The following SHMT1 variants were observed in gnomAD, a reference collection of about 807,000 sequenced individuals.
The protein encoded by SHMT1 is serine hydroxymethyltransferase 1.
A neutral mutation model predicts 49.0 loss-of-function variants in SHMT1; 45 were observed. The ratio of observed to expected loss-of-function variants is 0.92; its 90% CI spans 0.72 to 1.18. The LOEUF is 1.18. SHMT1 is among the 50% of genes most tolerant of loss of function. The pLI is 0.00. For missense variants in SHMT1, 541 were observed against 612.4 expected (o/e 0.88, Z 1.23); for synonymous variants, 232 against 246.6 (o/e 0.94, Z 0.55).
At chr17:18,344,577 G>GA (rs10655994) in intron 5 of SHMT1, among the ~76,000 whole-genome samples, 6,951 of 65,318 alleles carry the variant, frequency 0.11, 491 homozygotes, top group South Asian at 0.2. Context: ...ACAATTACCG[G>GA]AAAAAAAAAA....
intron 1 of SHMT1, among the ~76,000 whole-genome samples, chr17:18,357,698 T>TC (rs1208064928): frequency 6.6e-6 from 1 of 151,998 alleles, no homozygotes; most frequent in Non-Finnish European, 1.5e-5. Flanking sequence ...ATTTCATACT[T>TC]CAAGTAATGA....
chr17:18,363,489 C>G lies in SHMT1; in HGVS notation c.-137G>C, dbSNP rs1252293206. 6.5e-6 allele frequency: 1 copy of G among 152,842 alleles called. No homozygotes were observed. The highest frequency in any genetic ancestry group is 1.5e-5 in the Non-Finnish European group (1 of 68,580). The allele number at this position is 152,842 out of a possible 1,614,324, so 9.5% of individuals were successfully genotyped here. On this transcript the variant is annotated 5_prime_UTR_variant, in exon 1 of 12. Coordinates refer to ENST00000316694, the MANE Select transcript of SHMT1 (RefSeq NM_004169.5). Reference sequence around the variant, plus strand: ...GACCAGCCGCTCCAACCCCAAACCCCGAACTTGGCGCTGGACCGCTCGAGC... The same window carrying G: ...GACCAGCCGCTCCAACCCCAAACCCGGAACTTGGCGCTGGACCGCTCGAGC...
In SHMT1 at chr17:18,339,966, CCCT is replaced by C. The variant is rs1984306182; in HGVS notation, c.814+74_814+76del. 2.1e-6 allele frequency: 3 copies of C among 1,423,538 alleles called. No individual in the cohort carries two copies. The South Asian group carries it at 3.5e-5, about 17-fold the overall frequency. The allele number at this position is 1,423,538 out of a possible 1,614,324, so 88.2% of individuals were successfully genotyped here. A position where few individuals can be genotyped will look rare whatever the true frequency, so the allele number is the denominator to read the frequency against. ...TCCCAGGTCAGAGTTTTTCCCAGCTCCCTCAACTGAATCTGAACCCCCACAGGA... is the reference window on the plus strand; with the variant it reads ...TCCCAGGTCAGAGTTTTTCCCAGCTCCAACTGAATCTGAACCCCCACAGGA... On this transcript the variant is annotated intron_variant, in intron 7 of 11. Transcript: ENST00000316694.
At chr17:18,355,399 G>C (rs1294398740) in intron 2 of SHMT1, among the ~76,000 whole-genome samples, 1 of 149,494 alleles carries the variant, frequency 6.7e-6, no homozygotes, top group African/African-American at 2.5e-5. Flanking sequence ...AATTAGCCGG[G>C]CATGGTGGTG....
chr17:18,350,175 T>A (rs1360452993), intron 3 of SHMT1, among the ~76,000 whole-genome samples: 1 of 151,270 alleles, frequency 6.6e-6, no homozygotes, highest in African/African-American at 2.4e-5. Flanking sequence ...AAAAAATATA[T>A]AAAAAATTAG....
In SHMT1 at chr17:18,328,256, T is replaced by G. The variant is rs1280604173; in HGVS notation, c.*494A>C. 1.1e-5 allele frequency: 2 copies of G among 189,016 alleles called. No individual in the cohort carries two copies. The highest frequency in any genetic ancestry group is 2.4e-5 in the African/African-American group (1 of 42,222). The allele number at this position is 189,016 out of a possible 1,614,324, so 11.7% of individuals were successfully genotyped here. A position where few individuals can be genotyped will look rare whatever the true frequency, so the allele number is the denominator to read the frequency against. ...TTGTTTACTCTTGACTAACATACAC[T>G]TCTGATTTACAGCAGAAGCCTCAGA... On this transcript the variant is annotated 3_prime_UTR_variant, in exon 12 of 12. Transcript: ENST00000316694.
Position 18,346,873 on chromosome 17 carries a change from G to A in SHMT1, c.519+623C>T, listed in dbSNP as rs1411337734. Among the ~76,000 whole-genome samples, 6 of 152,244 alleles carry A rather than the reference G, an allele frequency of 3.9e-5. No homozygotes were observed. In the East Asian group the frequency reaches 1.2e-3, roughly 29 times the overall value. On this transcript the variant is annotated intron_variant, in intron 5 of 11. Coordinates refer to ENST00000316694, the MANE Select transcript of SHMT1 (RefSeq NM_004169.5). ...AACTGAAAAGCAGAATGGTCGTATG[G>A]GGGGCTTGAAGTACAGCTAATAACG... is the stretch of plus-strand genomic sequence containing the variant.
At position 18,329,333 on chromosome 17, in the gene SHMT1, C is replaced by G. The variant is rs776357592; in HGVS notation, c.1227G>C (p.Thr409=). The G allele has an allele frequency of 1.2e-6, 2 of 1,613,000 alleles. No individual in the cohort carries two copies. Among genetic ancestry groups the G allele is most frequent in the African/African-American group, 2.7e-5 (2 of 74,890 alleles). ...SGLRLGTPAL[T]SRGLLEKDFQ... ...AGTCTTTTTCCAAAAGTCCACGGGA[C>G]GTCAGTGCTGGGGTCCCCAGCCGCA... The change falls in exon 11 of 12, where the codon ACG becomes ACC. Residue 409 remains threonine (T), a synonymous_variant. Transcript: ENST00000316694.
intron 9 of SHMT1, chr17:18,332,694 C>G (rs992005549): frequency 3.5e-4 from 90 of 260,324 alleles, no homozygotes; most frequent in African/African-American, 1.9e-3. Context: ...CAGATCCAAG[C>G]AAACATGCCT....
intron 2 of SHMT1, among the ~76,000 whole-genome samples, chr17:18,354,891 A>AG (rs1986075465): frequency 7.4e-6 from 1 of 134,570 alleles, no homozygotes. Context: ...AAAAAAAATA[A>AG]TACAAAAAAT....
At chr17:18,333,310 G>A (rs1983438793) in intron 8 of SHMT1, 22 bp from the exon 9 acceptor site, 1 of 1,611,394 alleles carries the variant, frequency 6.2e-7, no homozygotes, top group Non-Finnish European at 8.5e-7. Context: ...GAGACAATGG[G>A]TCAGGAGGCT....
At chr17:18,336,324 A>G (rs1333347783) in intron 7 of SHMT1, among the ~76,000 whole-genome samples, 1 of 151,684 alleles carries the variant, frequency 6.6e-6, no homozygotes, top group Non-Finnish European at 1.5e-5. Flanking sequence ...CTCCACTAAC[A>G]TTGTAACCAA....
At chr17:18,332,747 G>A (rs1983351580) in intron 9 of SHMT1, 6 of 305,900 alleles carry the variant, frequency 2.0e-5, no homozygotes, top group South Asian at 1.5e-4. Context: ...AACTGGGAGG[G>A]GAGAGCCCCT....
At chr17:18,352,962 AAGTT>A (rs1303128517) in intron 3 of SHMT1, among the ~76,000 whole-genome samples, 1 of 152,212 alleles carries the variant, frequency 6.6e-6, no homozygotes, top group African/African-American at 2.4e-5. Context: ...CACAATGCAA[AAGTT>A]AGTTATTCAC....
At chr17:18,357,991 G>A (rs979167487) in intron 1 of SHMT1, among the ~76,000 whole-genome samples, 1 of 149,346 alleles carries the variant, frequency 6.7e-6, no homozygotes, top group Non-Finnish European at 1.5e-5. Flanking sequence ...AGCCTCCCAA[G>A]TAGCCAGGAA....
Position 18,340,710 on chromosome 17 carries a change from G to C in SHMT1, c.601+22C>G. ...GCACCAGGCTACTGGTGAACAAGGTGACTTTCCGCCCCGCGCATCACCTGC... is the reference window on the plus strand; with the variant it reads ...GCACCAGGCTACTGGTGAACAAGGTCACTTTCCGCCCCGCGCATCACCTGC... On this transcript the variant is annotated intron_variant, in intron 6 of 11. Transcript: ENST00000316694. This position sits in a 1 kb window ranked among gnomAD's most constrained non-coding sequence, Gnocchi z 4.5. 1 of 1,600,518 alleles carries C rather than the reference G, an allele frequency of 6.2e-7. No homozygotes were observed. The highest frequency in any genetic ancestry group is 8.5e-7 in the Non-Finnish European group (1 of 1,172,770).
chr17:18,351,709 G>A (rs1434782653), intron 3 of SHMT1, among the ~76,000 whole-genome samples: 1 of 152,046 alleles, frequency 6.6e-6, no homozygotes, highest in Non-Finnish European at 1.5e-5. Context: ...GGGAGGTGGA[G>A]GCTGCAGTGA....
chr17:18,330,739 G>A (rs1365516199), intron 9 of SHMT1, 68 bp from the exon 10 acceptor site: 7 of 1,161,044 alleles, frequency 6.0e-6, no homozygotes, highest in East Asian at 2.4e-5. Flanking sequence ...TCTGAGAAAC[G>A]AAGGCGAGGA....
chr17:18,362,996 T>C (rs553036913), intron 1 of SHMT1: 2 of 152,204 alleles, frequency 1.3e-5, no homozygotes, highest in African/African-American at 2.4e-5. Context: ...ACCTGTAAAA[T>C]GGGGGAAACA....
Sources: gnomAD v4.1 joint callset for allele counts (sites outside exome capture counted in the v4.1 genomes callset) on GRCh38, gnomAD v4.1.1 for gene constraint, Gnocchi (gnomAD v3.1) non-coding constraint, MANE v1.5 for transcripts, NCBI Gene and HGNC (gene_info 2026-07-23, HGNC 2026-07-21) for gene names.